SLC25A48: variants seen among roughly 807,000 people sequenced by gnomAD.
SLC25A48 encodes the protein CTC-321K16.1.
SLC25A48 carries 29 observed loss-of-function variants against 32.2 expected under a neutral mutation model. The observed-to-expected ratio is 0.90, with a 90% confidence interval of 0.67 to 1.23. SLC25A48 has a LOEUF of 1.23. SLC25A48 is among the 50% of genes most tolerant of loss of function. SLC25A48 has a pLI of 0.00. For missense variants in SLC25A48, 399 were observed against 422.7 expected (o/e 0.94, Z 0.49); for synonymous variants, 164 against 172.3 (o/e 0.95, Z 0.38).
chr5:135,749,357 T>C (rs997430738), intron 3 of SLC25A48, among the ~76,000 whole-genome samples: 1 of 148,900 alleles, frequency 6.7e-6, no homozygotes, highest in South Asian at 2.1e-4. Context: ...ACTGTCCCCC[T>C]CCCCCAGCCA....
At chr5:135,882,462 C>A (rs1762543002) in intron 7 of SLC25A48, among the ~76,000 whole-genome samples, 1 of 152,066 alleles carries the variant, frequency 6.6e-6, no homozygotes, top group Admixed American at 6.6e-5. Context: ...GCCAAGCTGT[C>A]CCTAAGAAGT....
At chr5:135,726,560 C>T (rs891897553) in intron 3 of SLC25A48, among the ~76,000 whole-genome samples, 16 of 152,200 alleles carry the variant, frequency 1.1e-4, no homozygotes, top group African/African-American at 3.9e-4. Flanking sequence ...TAAATGGAAT[C>T]CTGTGGTATG....
At chr5:135,837,435 A>C (rs999272488) in intron 1 of SLC25A48, among the ~76,000 whole-genome samples, 3 of 152,150 alleles carry the variant, frequency 2.0e-5, no homozygotes, top group Non-Finnish European at 4.4e-5. Context: ...CTTCCTCCTC[A>C]GTGTTCTCGG....
In SLC25A48 at chr5:135,772,294, G is replaced by A. The variant is rs1044484248; in HGVS notation, c.-520-40229G>A. Among the ~76,000 whole-genome samples the A allele has an allele frequency of 1.7e-4, 25 of 150,780 alleles. No individual in the cohort carries two copies. The Middle Eastern group carries it at 0.011, about 64-fold the overall frequency. ...GAGGATATTACTCCCACTGTCACAG[G>A]TAGTGTACACCCCAATGTAATATTG... On this transcript the variant is annotated intron_variant, in intron 3 of 10. Coordinates refer to the SLC25A48 transcript ENST00000646290.
chr5:135,811,415 G>A (rs1214591607), intron 3 of SLC25A48, among the ~76,000 whole-genome samples: 1 of 152,182 alleles, frequency 6.6e-6, no homozygotes. Context: ...CAGAGGCTAG[G>A]GGTGGGGGAT....
At chr5:135,764,607 C>T (rs1177740753) in intron 3 of SLC25A48, among the ~76,000 whole-genome samples, 1 of 151,330 alleles carries the variant, frequency 6.6e-6, no homozygotes, top group African/African-American at 2.4e-5. Context: ...GTGTACACTT[C>T]CCTGTGATAT....
Position 135,887,176 on chromosome 5 carries a change from C to T in SLC25A48, c.*8-856C>T, listed in dbSNP as rs538942560. On this transcript the variant is annotated intron_variant, in intron 7 of 7. Coordinates refer to ENST00000681962, the MANE Select transcript of SLC25A48 (RefSeq NM_001349336.2). ...CATAAATAACATTCTATGAAAATAACGATTCTTTCTAAACCAATATAATTA... is the reference window on the plus strand; with the variant it reads ...CATAAATAACATTCTATGAAAATAATGATTCTTTCTAAACCAATATAATTA... Among the ~76,000 whole-genome samples the T allele has an allele frequency of 2.2e-4, 34 of 152,094 alleles. No individual in the cohort carries two copies. The South Asian group carries it at 6.9e-3, about 31-fold the overall frequency.
At chr5:135,836,970 ACCCCCCCCCCCC>A (rs78654295) in intron 1 of SLC25A48, among the ~76,000 whole-genome samples, 2 of 111,734 alleles carry the variant, frequency 1.8e-5, no homozygotes, top group Non-Finnish European at 3.4e-5. Flanking sequence ...CCCCCCCCCC[ACCCCCCCCCCCC>A]ACACACACAC....
At chr5:135,752,674 AG>A (rs1286902096) in intron 3 of SLC25A48, among the ~76,000 whole-genome samples, 1 of 152,184 alleles carries the variant, frequency 6.6e-6, no homozygotes, top group African/African-American at 2.4e-5. Context: ...AAAATAACAC[AG>A]GGTGTACACC....
At chr5:135,659,101 G>A (rs566662276) in intron 3 of SLC25A48, among the ~76,000 whole-genome samples, 18 of 152,278 alleles carry the variant, frequency 1.2e-4, no homozygotes, top group African/African-American at 3.1e-4. Context: ...CAACATGGTC[G>A]ATCTGCAAAT....
chr5:135,658,081 C>T (rs1265071567), intron 3 of SLC25A48, among the ~76,000 whole-genome samples: 6 of 152,156 alleles, frequency 3.9e-5, no homozygotes, highest in Non-Finnish European at 8.8e-5. Context: ...TCATGCCTTC[C>T]CAGCAATCCC....
chr5:135,661,994 AT>A (rs1162372264), intron 3 of SLC25A48, among the ~76,000 whole-genome samples: 1 of 152,160 alleles, frequency 6.6e-6, no homozygotes, highest in Non-Finnish European at 1.5e-5. Flanking sequence ...ATGCATATTC[AT>A]TTTTGATAGG....
rs187631691 is a variant in SLC25A48 at position 135,716,913 on chromosome 5, T to C, written c.-521+81957T>C. On this transcript the variant is annotated intron_variant, in intron 3 of 10. Transcript: ENST00000646290. ...GGAGCCTATTTAGAAATGTTTCCCC[T>C]AATCACTCCTTCCCATAAAATTTTA... 4.2e-3 allele frequency among the ~76,000 whole-genome samples: 646 copies of C among 152,298 alleles called. 3 individuals carry two copies. Among genetic ancestry groups the C allele is most frequent in the Non-Finnish European group, 6.3e-3 (428 of 68,018 alleles).
chr5:135,587,738 C>T (rs188705291), intron 1 of SLC25A48, among the ~76,000 whole-genome samples: 9 of 152,326 alleles, frequency 5.9e-5, no homozygotes, highest in Non-Finnish European at 8.8e-5. Context: ...TGAACATGAT[C>T]AGGTTCTTAA....
chr5:135,830,975 C>G (rs55674104), upstream of SLC25A48, among the ~76,000 whole-genome samples: 28,832 of 152,096 alleles, frequency 0.19, 2,907 homozygotes, highest in Middle Eastern at 0.25. Flanking sequence ...AGAGGGCAAC[C>G]AGGTCGTGAC....
intron 6 of SLC25A48, among the ~76,000 whole-genome samples, chr5:135,879,708 G>A (rs1031460217): frequency 2.6e-5 from 4 of 152,040 alleles, no homozygotes; most frequent in African/African-American, 9.7e-5. Flanking sequence ...GTAGGTGTTT[G>A]CCTGGCCCAA....
rs189558600 is a variant in SLC25A48, at chr5:135,679,549, C to G, written c.-521+44593C>G. Reference sequence around the variant, plus strand: ...CACTTTGCTTACACTTCAGACCTGGCTGTGTCAGCCTGCATTGGCATCTGC... The same window carrying G: ...CACTTTGCTTACACTTCAGACCTGGGTGTGTCAGCCTGCATTGGCATCTGC... On this transcript the variant is annotated intron_variant, in intron 3 of 10. Coordinates refer to the SLC25A48 transcript ENST00000646290. Among the ~76,000 whole-genome samples, 294 of 152,310 alleles carry G rather than the reference C, an allele frequency of 1.9e-3. 1 individual carries two copies. Among genetic ancestry groups the G allele is most frequent in the African/African-American group, 6.6e-3 (275 of 41,568 alleles).
intron 3 of SLC25A48, among the ~76,000 whole-genome samples, chr5:135,740,810 G>T (rs1443484095): frequency 6.6e-6 from 1 of 152,166 alleles, no homozygotes; most frequent in Non-Finnish European, 1.5e-5. Flanking sequence ...AATTGTCTAA[G>T]AACTCATTCT....
At chr5:135,702,752 A>T (rs948209325) in intron 3 of SLC25A48, among the ~76,000 whole-genome samples, 2 of 152,228 alleles carry the variant, frequency 1.3e-5, no homozygotes, top group Non-Finnish European at 2.9e-5. Context: ...CCTGTACAAT[A>T]TTGTTAAATC....
Sources: gnomAD v4.1 joint callset for allele counts (sites outside exome capture counted in the v4.1 genomes callset) on GRCh38, gnomAD v4.1.1 for gene constraint, MANE v1.5 for transcripts, NCBI Gene and HGNC (gene_info 2026-07-23, HGNC 2026-07-21) for gene names.